The following LY6K variants were observed in gnomAD, a reference collection of about 807,000 sequenced individuals.
The protein encoded by LY6K is lymphocyte antigen 6 family member K.
Under a neutral mutation model 10.4 loss-of-function variants are expected in LY6K, and 9 were observed. The ratio of observed to expected loss-of-function variants is 0.87; its 90% confidence interval spans 0.52 to 1.52. The LOEUF (loss-of-function observed/expected upper bound fraction) is 1.52. LY6K is among the 40% of genes most tolerant of loss of function. LY6K has a pLI of 0.00. For synonymous variants in LY6K, 98 were observed against 83.7 expected, an observed-to-expected ratio of 1.17 and a Z score of -0.94; for missense variants, 217 against 211.7, an observed-to-expected ratio of 1.02 and a Z score of -0.15.
At position 142,703,090 on chromosome 8, in the gene LY6K, G is replaced by A. The variant is rs1202250571; in HGVS notation, c.218-1G>A. ...TTCTCTCGGTCTTTATTTCCTATTAGAAATATTTCCACGTTTTTTCATGGT... is the reference window on the plus strand; with the variant it reads ...TTCTCTCGGTCTTTATTTCCTATTAAAAATATTTCCACGTTTTTTCATGGT... On this transcript the variant is annotated splice_acceptor_variant, in intron 2 of 2. Transcript: ENST00000292430. LOFTEE classifies it high-confidence loss of function. The A allele has an allele frequency of 3.1e-6, 5 of 1,613,338 alleles. No individual in the cohort carries two copies. In the African/African-American group the frequency reaches 6.7e-5, roughly 22 times the overall value.
chr8:142,702,014 G>C (rs1426486534), intron 2 of LY6K: 1 of 310,104 alleles, frequency 3.2e-6, no homozygotes, highest in East Asian at 7.6e-5. Flanking sequence ...CACCATGTTG[G>C]TCAGGCTGGT....
chr8:142,701,833 T>A (rs1587561775), intron 2 of LY6K, 120 bp downstream of exon 2: 39 of 675,120 alleles, frequency 5.8e-5, no homozygotes, highest in Middle Eastern at 7.7e-4. Flanking sequence ...TTTTTTTTTT[T>A]TTATTTTCTG....
At position 142,700,410 on chromosome 8, in the gene LY6K, C is replaced by G; in HGVS notation, c.-118C>G. On this transcript the variant is annotated 5_prime_UTR_variant, in exon 1 of 3. Transcript: ENST00000292430. ...CGGGTGGGAGGCGCGCGCCCCGGGG[C>G]GGGCGGGGCTCCCCCTACCGGCCAG... 2 of 1,352,866 alleles carry G rather than the reference C, an allele frequency of 1.5e-6. No homozygotes were observed. Among genetic ancestry groups the G allele is most frequent in the Non-Finnish European group, 1.9e-6 (2 of 1,054,402 alleles). The allele number at this position is 1,352,866 out of a possible 1,614,324, so 83.8% of individuals were successfully genotyped here.
chr8:142,702,449 A>C (rs952562940), intron 2 of LY6K: 4 of 1,526,456 alleles, frequency 2.6e-6, no homozygotes, highest in Non-Finnish European at 2.6e-6. Flanking sequence ...CTCTGGGTAC[A>C]TGAAGCCCTC....
rs373803529 is a variant in LY6K at position 142,703,678 on chromosome 8, G to A, written c.*307G>A. On this transcript the variant is annotated 3_prime_UTR_variant, in exon 3 of 3. Transcript: ENST00000292430. The stretch of plus-strand genomic sequence containing the variant: ...TTCCTTGACTCCCCTCTGCCTCTGA[G>A]GGCTTCAGTATTGATGGGGAGGGAG... 4 of 374,788 alleles carry A rather than the reference G, an allele frequency of 1.1e-5. No homozygotes were observed. Among genetic ancestry groups the A allele is most frequent in the African/African-American group, 2.0e-5 (1 of 48,994 alleles). 23.2% of individuals were successfully genotyped at this position (374,788 alleles called of 1,614,324 possible). A position where few individuals can be genotyped will look rare whatever the true frequency, so the allele number is the denominator to read the frequency against.
chr8:142,701,908 C>A, intron 2 of LY6K, 195 bp downstream of exon 2: 1 of 514,058 alleles, frequency 1.9e-6, no homozygotes, highest in Non-Finnish European at 3.5e-6. Flanking sequence ...CTTCCGGGTT[C>A]AAGCGATTCT....
chr8:142,702,836 C>G, intron 2 of LY6K: 1 of 1,514,178 alleles, frequency 6.6e-7, no homozygotes, highest in Non-Finnish European at 8.9e-7. Context: ...CTGTTTGTTC[C>G]CAAACAGCAA....
chr8:142,703,282 G>A lies in LY6K; in HGVS notation c.409G>A (p.Ala137Thr), dbSNP rs587644884. Residue 137 changes from alanine to threonine, a missense_variant, in exon 3 of 3, where the codon GCT (alanine) becomes ACT (threonine). Physicochemically the swap from Ala to Thr is moderately conservative, Grantham distance 58 (BLOSUM62 0). Transcript: ENST00000292430. ...PINSSVFKEY[A>T]GSMGESCGGL... is the part of the protein sequence containing the mutation. ...CAACTCATCAGTGTTCAAAGAATAT[G>A]CTGGGAGCATGGGTGAGAGCTGTGG... 1,016 of 1,614,116 alleles carry A rather than the reference G, an allele frequency of 6.3e-4. 17 individuals carry two copies. In the South Asian group the frequency reaches 0.01, roughly 17 times the overall value.
Position 142,700,412 on chromosome 8 carries a change from G to A in LY6K, c.-116G>A, listed in dbSNP as rs1554639881. 2 of 1,358,964 alleles carry A rather than the reference G, an allele frequency of 1.5e-6. No homozygotes were observed. The highest frequency in any genetic ancestry group is 9.5e-7 in the Non-Finnish European group (1 of 1,057,804). 84.2% of individuals were successfully genotyped at this position (1,358,964 alleles called of 1,614,324 possible). On this transcript the variant is annotated 5_prime_UTR_variant, in exon 1 of 3. Coordinates refer to ENST00000292430, the MANE Select transcript of LY6K (RefSeq NM_017527.4). ...GGTGGGAGGCGCGCGCCCCGGGGCG[G>A]GCGGGGCTCCCCCTACCGGCCAGAC... is the stretch of plus-strand genomic sequence containing the variant.
At chr8:142,701,478 C>T (rs1216190713) in intron 1 of LY6K, 122 bp from the exon 2 acceptor site, 2 of 677,340 alleles carry the variant, frequency 3.0e-6, no homozygotes, top group Middle Eastern at 2.5e-4. Context: ...TGGCCCCAGC[C>T]ACTGCTCAGG....
intron 2 of LY6K, chr8:142,702,797 A>G: frequency 6.7e-7 from 1 of 1,494,982 alleles, no homozygotes; most frequent in Non-Finnish European, 9.0e-7. Context: ...CAAAGGCCTG[A>G]GCCAACCCTG....
chr8:142,701,740 C>G, intron 2 of LY6K, 27 bp downstream of exon 2: 2 of 1,505,388 alleles, frequency 1.3e-6, no homozygotes, highest in Non-Finnish European at 1.8e-6. Context: ...TTGTTGGGGA[C>G]CCAAAGGCAG....
Position 142,701,580 on chromosome 8 carries a change from T to C in LY6K, c.104-20T>C, listed in dbSNP as rs1192715769. On this transcript the variant is annotated intron_variant, in intron 1 of 2. Coordinates refer to ENST00000292430, the MANE Select transcript of LY6K (RefSeq NM_017527.4). ...CGGAGAACTGGAACATTCTGCTTTC[T>C]TTTTTATTCCTCCTTTCAGACGAGG... 3.3e-6 allele frequency: 5 copies of C among 1,537,446 alleles called. No individual in the cohort carries two copies. Among genetic ancestry groups the C allele is most frequent in the Non-Finnish European group, 4.5e-6 (5 of 1,110,444 alleles).
chr8:142,701,700 T>C lies in LY6K; in HGVS notation c.204T>C (p.Val68=), dbSNP rs782340298. 113 of 1,612,738 alleles carry C rather than the reference T, an allele frequency of 7.0e-5. No individual in the cohort carries two copies. The highest frequency in any genetic ancestry group is 9.9e-5 in the South Asian group (9 of 90,976). ...GCAAATGGACAGAGCCATACTGCGT[T>C]ATAGCGGCCGTGAGTGAGTATCTTC... is the stretch of plus-strand genomic sequence containing the variant. ...RRCKWTEPYC[V]IAAVKIFPRF... Residue 68 remains valine, a synonymous_variant, in exon 2 of 3, where the codon GTT becomes GTC. Coordinates refer to ENST00000292430, the MANE Select transcript of LY6K (RefSeq NM_017527.4).
intron 1 of LY6K, among the ~76,000 whole-genome samples, 153 bp downstream of exon 1, chr8:142,700,783 C>G (rs1440265219): frequency 6.6e-6 from 1 of 152,018 alleles, no homozygotes; most frequent in African/African-American, 2.4e-5. Flanking sequence ...AGCCTCGCCT[C>G]GTGCGGCTTC....
At position 142,703,296 on chromosome 8, in the gene LY6K, T is replaced by A; in HGVS notation, c.423T>A (p.Gly141=). ...SVFKEYAGSM[G]ESCGGLWLAI... ...TCAAAGAATATGCTGGGAGCATGGG[T>A]GAGAGCTGTGGTGGGCTGTGGCTGG... Residue 141 remains glycine, a synonymous_variant, in exon 3 of 3, where the codon GGT becomes GGA. Coordinates refer to ENST00000292430, the MANE Select transcript of LY6K (RefSeq NM_017527.4). 1 of 1,613,840 alleles carries A rather than the reference T, an allele frequency of 6.2e-7. No homozygotes were observed. The highest frequency in any genetic ancestry group is 1.3e-5 in the African/African-American group (1 of 75,032).
intron 2 of LY6K, 65 bp from the exon 3 acceptor site, chr8:142,703,026 A>G: frequency 6.3e-7 from 1 of 1,597,854 alleles, no homozygotes; most frequent in Non-Finnish European, 8.5e-7. Flanking sequence ...ACCCAGACAG[A>G]AGGGCCTCGG....
intron 1 of LY6K, among the ~76,000 whole-genome samples, chr8:142,700,845 G>A (rs963239453): frequency 5.9e-5 from 9 of 152,070 alleles, no homozygotes; most frequent in South Asian, 4.1e-4. Context: ...CCCTTGCCCC[G>A]CTCCGGCCGC....
At chr8:142,702,420 C>T in intron 2 of LY6K, 7 of 1,420,432 alleles carry the variant, frequency 4.9e-6, no homozygotes, top group African/African-American at 1.4e-5. Flanking sequence ...GCTCTGTCAT[C>T]TGTGATTCCC....
Sources: gnomAD v4.1 joint callset for allele counts (sites outside exome capture counted in the v4.1 genomes callset) on GRCh38, gnomAD v4.1.1 for gene constraint, MANE v1.5 for transcripts, NCBI Gene and HGNC (gene_info 2026-07-23, HGNC 2026-07-21) for gene names.